The following TDRD3 variants were observed in gnomAD, a reference collection of about 807,000 sequenced individuals.
TDRD3 encodes the protein tudor domain-containing protein 3.
In TDRD3, 45 loss-of-function variants were observed where a neutral mutation model predicts 86.7. That is an observed-to-expected ratio of 0.52 (90% CI 0.41 to 0.67). The LOEUF is 0.67. Among genes scored for constraint, TDRD3 ranks in the 30% least tolerant of loss-of-function variants. The pLI is 0.00. For missense variants in TDRD3, 814 were observed against 889.0 expected, an observed-to-expected ratio of 0.92 and a Z score of 1.07; for synonymous variants, 298 against 301.7, an observed-to-expected ratio of 0.99 and a Z score of 0.13.
intron 12 of TDRD3, among the ~76,000 whole-genome samples, chr13:60,552,449 C>T (rs1472502629): frequency 6.6e-6 from 1 of 152,242 alleles, no homozygotes; most frequent in African/African-American, 2.4e-5. Context: ...TGTGGCTCTG[C>T]AGGGTGCAGC....
chr13:60,490,050 G>GTTTTTTTT (rs11397531), intron 7 of TDRD3, among the ~76,000 whole-genome samples: 6 of 111,038 alleles, frequency 5.4e-5, no homozygotes, highest in Non-Finnish European at 6.9e-5. Flanking sequence ...AAGCATCTTA[G>GTTTTTTTT]TTTTTTTTTT....
At chr13:60,566,020 A>C (rs1407353011) in intron 12 of TDRD3, among the ~76,000 whole-genome samples, 1 of 152,208 alleles carries the variant, frequency 6.6e-6, no homozygotes, top group Non-Finnish European at 1.5e-5. Flanking sequence ...CAGTTATTTA[A>C]TTATACCAGA....
chr13:60,405,117 G>A (rs1350796899), intron 1 of TDRD3, among the ~76,000 whole-genome samples: 1 of 152,110 alleles, frequency 6.6e-6, no homozygotes, highest in African/African-American at 2.4e-5. Context: ...CCGGTCTCAG[G>A]TATGTCTTTA....
intron 7 of TDRD3, among the ~76,000 whole-genome samples, chr13:60,486,829 T>C (rs1374096366): frequency 6.6e-6 from 1 of 152,224 alleles, no homozygotes; most frequent in Non-Finnish European, 1.5e-5. Flanking sequence ...TTTTTATCTC[T>C]CACATATGAG....
intron 8 of TDRD3, among the ~76,000 whole-genome samples, chr13:60,505,451 T>G (rs1956916337): frequency 6.6e-6 from 1 of 152,200 alleles, no homozygotes; most frequent in Non-Finnish European, 1.5e-5. Flanking sequence ...CAGGGGATTA[T>G]AGATAAAACT....
chr13:60,570,540 C>G (rs1958564680), intron 13 of TDRD3, among the ~76,000 whole-genome samples: 1 of 152,212 alleles, frequency 6.6e-6, no homozygotes, highest in Non-Finnish European at 1.5e-5. Context: ...CCATATGATC[C>G]AGCAATTCCA....
intron 3 of TDRD3, among the ~76,000 whole-genome samples, chr13:60,446,176 C>A (rs1473070965): frequency 6.6e-6 from 1 of 152,076 alleles, no homozygotes; most frequent in Non-Finnish European, 1.5e-5. Flanking sequence ...TTACATACTT[C>A]CAACACAATA....
chr13:60,446,146 GATTAT>G (rs1955391276), intron 3 of TDRD3, among the ~76,000 whole-genome samples: 9 of 151,966 alleles, frequency 5.9e-5, no homozygotes, highest in Admixed American at 5.9e-4. Context: ...CTTCCTCATT[GATTAT>G]ATTTTTTCCT....
intron 1 of TDRD3, among the ~76,000 whole-genome samples, chr13:60,405,338 GA>G (rs1272597291): frequency 1.3e-5 from 2 of 151,588 alleles, no homozygotes; most frequent in African/African-American, 2.4e-5. Flanking sequence ...TAGTCTTATA[GA>G]AAAAAAACCC....
chr13:60,456,246 GTTA>G (rs1189193879), intron 3 of TDRD3, among the ~76,000 whole-genome samples: 1 of 152,086 alleles, frequency 6.6e-6, no homozygotes, highest in Non-Finnish European at 1.5e-5. Flanking sequence ...AGACAAGAAT[GTTA>G]TTTAGTATGA....
rs536958244 is a variant in TDRD3, at chr13:60,545,151, T to C, written c.2118+9918T>C. ...AAGGATATAAGAGAAGTAGAAGGTA[T>C]GTTTTCTTCCCTTCAGAAGCCACCT... On this transcript the variant is annotated intron_variant, in intron 12 of 13. Transcript: ENST00000377881. Among the ~76,000 whole-genome samples, 8 of 152,248 alleles carry C rather than the reference T, an allele frequency of 5.3e-5. No homozygotes were observed. The South Asian group carries it at 1.0e-3, about 20-fold the overall frequency.
rs1418339567 is a variant in TDRD3 at position 60,486,050 on chromosome 13, A to G, written c.717+102A>G. 5 of 1,220,234 alleles carry G rather than the reference A, an allele frequency of 4.1e-6. No homozygotes were observed. In the African/African-American group the frequency reaches 4.7e-5, roughly 11 times the overall value. The allele number at this position is 1,220,234 out of a possible 1,614,324, so 75.6% of individuals were successfully genotyped here. ...TTTCATATAAGCTAACTAATTCAAC[A>G]AACGCTTAACCTTATTCTTCTTGCA... On this transcript the variant is annotated intron_variant, in intron 7 of 13. Transcript: ENST00000377881.
intron 12 of TDRD3, among the ~76,000 whole-genome samples, chr13:60,559,404 C>T (rs1173665694): frequency 6.6e-6 from 1 of 151,970 alleles, no homozygotes; most frequent in Non-Finnish European, 1.5e-5. Flanking sequence ...AAATATGTTC[C>T]CTACTCTGAT....
chr13:60,445,126 T>C (rs1192150683), intron 3 of TDRD3, among the ~76,000 whole-genome samples: 1 of 152,192 alleles, frequency 6.6e-6, no homozygotes, highest in East Asian at 1.9e-4. Flanking sequence ...GAACTTATTA[T>C]ATACAAATAT....
At chr13:60,551,024 C>G (rs1448531461) in intron 12 of TDRD3, among the ~76,000 whole-genome samples, 1 of 152,130 alleles carries the variant, frequency 6.6e-6, no homozygotes, top group East Asian at 1.9e-4. Context: ...ACAGTAAGAA[C>G]TATAGCATAT....
chr13:60,467,870 G>A (rs1594972226), intron 5 of TDRD3, among the ~76,000 whole-genome samples: 1 of 152,080 alleles, frequency 6.6e-6, no homozygotes, highest in East Asian at 1.9e-4. Context: ...CAGTCATGTA[G>A]GTTATCTTGT....
At chr13:60,452,561 G>A (rs1223566814) in intron 3 of TDRD3, among the ~76,000 whole-genome samples, 2 of 151,952 alleles carry the variant, frequency 1.3e-5, no homozygotes, top group Admixed American at 1.3e-4. Context: ...ATGATATATA[G>A]CCTGTTGTAT....
chr13:60,418,154 C>A (rs1303068354), intron 1 of TDRD3, among the ~76,000 whole-genome samples: 1 of 152,140 alleles, frequency 6.6e-6, no homozygotes, highest in African/African-American at 2.4e-5. Context: ...GCTCCTACCT[C>A]TCCAGCAGTT....
intron 1 of TDRD3, among the ~76,000 whole-genome samples, chr13:60,414,803 AT>A (rs1954455037): frequency 6.6e-6 from 1 of 152,096 alleles, no homozygotes; most frequent in Non-Finnish European, 1.5e-5. Flanking sequence ...GCAGATAGAA[AT>A]CCTTCATTGG....
Sources: gnomAD v4.1 joint callset for allele counts (sites outside exome capture counted in the v4.1 genomes callset) on GRCh38, gnomAD v4.1.1 for gene constraint, MANE v1.5 for transcripts, NCBI Gene and HGNC (gene_info 2026-07-23, HGNC 2026-07-21) for gene names.